EPHA5: variants seen among roughly 807,000 people sequenced by gnomAD.
EPHA5 encodes EPH receptor A5, also known as ephrin type-A receptor 5.
In EPHA5, 60 loss-of-function variants were observed where a neutral mutation model predicts 105.0. That is an observed-to-expected ratio of 0.57 (90% CI 0.46 to 0.71). The LOEUF (loss-of-function observed/expected upper bound fraction) is 0.71, where lower values mean the gene tolerates loss of function less well. EPHA5 is among the 30% of genes least tolerant of loss of function. The pLI, the probability that EPHA5 is intolerant of heterozygous loss-of-function variation, is 0.00. For missense variants in EPHA5, 1,218 were observed against 1,274.7 expected, an observed-to-expected ratio of 0.96 and a Z score of 0.68; for synonymous variants, 513 against 449.1, an observed-to-expected ratio of 1.14 and a Z score of -1.80.
intron 2 of EPHA5, among the ~76,000 whole-genome samples, chr4:65,609,992 C>T: frequency 6.6e-6 from 1 of 151,806 alleles, no homozygotes; most frequent in East Asian, 1.9e-4. Context: ...ATGTCATAAA[C>T]ACTTCAAATT....
At chr4:65,391,199 T>C (rs1267738522) in intron 8 of EPHA5, among the ~76,000 whole-genome samples, 1 of 152,044 alleles carries the variant, frequency 6.6e-6, no homozygotes, top group Non-Finnish European at 1.5e-5. Flanking sequence ...GAGGTGATTA[T>C]GGGGATTATA....
intron 3 of EPHA5, among the ~76,000 whole-genome samples, chr4:65,516,801 C>T (rs1357633634): frequency 6.6e-6 from 1 of 152,036 alleles, no homozygotes; most frequent in Non-Finnish European, 1.5e-5. Flanking sequence ...ACAATGTTGA[C>T]TAGAAGTGGT....
intron 8 of EPHA5, among the ~76,000 whole-genome samples, chr4:65,374,632 GAGTTAATGCATTTACAA>G (rs1380332585): frequency 6.6e-6 from 1 of 151,848 alleles, no homozygotes; most frequent in Non-Finnish European, 1.5e-5. Flanking sequence ...GTATTTCTAA[GAGTTAATGCATTTACAA>G]TGGCCAGTTT....
chr4:65,393,668 ACAC>A (rs1211030393), intron 8 of EPHA5, among the ~76,000 whole-genome samples: 1 of 152,210 alleles, frequency 6.6e-6, no homozygotes, highest in Non-Finnish European at 1.5e-5. Context: ...ATTATTTTAA[ACAC>A]CTGGATCTAT....
rs201142559 is a variant in EPHA5, at chr4:65,531,033, A to T, written c.911-35490T>A. Among the ~76,000 whole-genome samples the T allele has an allele frequency of 4.7e-3, 488 of 103,350 alleles. 7 individuals are homozygous for T. Among genetic ancestry groups the T allele is most frequent in the African/African-American group, 0.017 (464 of 27,558 alleles). The allele number at this position is 103,350 out of a possible 152,430, so 67.8% of individuals were successfully genotyped here. A position where few individuals can be genotyped will look rare whatever the true frequency, so the allele number is the denominator to read the frequency against. On this transcript the variant is annotated intron_variant, in intron 3 of 16. Coordinates refer to ENST00000613740, the MANE Select transcript of EPHA5 (RefSeq NM_001281766.3). ...TTTTTTTATTTTTTTTATTTTTTTT[A>T]TTTTTTTATTTTTTTGAGACGGAGT...
intron 4 of EPHA5, among the ~76,000 whole-genome samples, chr4:65,494,322 CT>C (rs1226395578): frequency 5.9e-5 from 9 of 152,124 alleles, no homozygotes; most frequent in African/African-American, 7.2e-5. Flanking sequence ...ATCTTCACTG[CT>C]TCTTTAAATT....
At chr4:65,475,523 C>A (rs1017069820) in intron 5 of EPHA5, among the ~76,000 whole-genome samples, 1 of 152,132 alleles carries the variant, frequency 6.6e-6, no homozygotes, top group East Asian at 1.9e-4. Flanking sequence ...TGATTTCAAC[C>A]ACTGGGAAGG....
In EPHA5 at chr4:65,606,184, T is replaced by C. The variant is rs1448560579; in HGVS notation, c.247-3880A>G. 2.0e-5 allele frequency among the ~76,000 whole-genome samples: 3 copies of C among 152,160 alleles called. No individual in the cohort carries two copies. The East Asian group carries it at 5.8e-4, about 29-fold the overall frequency. ...AATAAGTCTTTTTTTTCTTTTGCTA[T>C]ATATTTTAATACTCAACCCCAATAT... On this transcript the variant is annotated intron_variant, in intron 2 of 16. Coordinates refer to ENST00000613740, the MANE Select transcript of EPHA5 (RefSeq NM_001281766.3).
chr4:65,502,896 A>T (rs1006887838), intron 3 of EPHA5, among the ~76,000 whole-genome samples: 2 of 151,868 alleles, frequency 1.3e-5, no homozygotes, highest in African/African-American at 2.4e-5. Flanking sequence ...GATAAAGAAG[A>T]TGTGGTACAA....
In EPHA5 at chr4:65,422,758, T is replaced by C. The variant is rs189829871; in HGVS notation, c.1403-2193A>G. Among the ~76,000 whole-genome samples, 257 of 152,214 alleles carry C rather than the reference T, an allele frequency of 1.7e-3. 1 individual carries two copies. Among genetic ancestry groups the C allele is most frequent in the African/African-American group, 5.8e-3 (241 of 41,560 alleles). On this transcript the variant is annotated intron_variant, in intron 5 of 16. Coordinates refer to ENST00000613740, the MANE Select transcript of EPHA5 (RefSeq NM_001281766.3). ...CTTTAGGCTACTACAGTTCCCATTATGAACTGATTGCCTTGTCTGTTTCAA... is the reference window on the plus strand; with the variant it reads ...CTTTAGGCTACTACAGTTCCCATTACGAACTGATTGCCTTGTCTGTTTCAA...
intron 3 of EPHA5, among the ~76,000 whole-genome samples, chr4:65,502,415 A>ATAT (rs139265589): frequency 6.6e-6 from 1 of 151,590 alleles, no homozygotes; most frequent in Non-Finnish European, 1.5e-5. Context: ...GCAAAAAAAA[A>ATAT]ATATATAGCC....
intron 5 of EPHA5, among the ~76,000 whole-genome samples, chr4:65,422,273 GA>G (rs1473321136): frequency 6.6e-6 from 1 of 152,052 alleles, no homozygotes; most frequent in African/African-American, 2.4e-5. Flanking sequence ...TGAAAGTGGG[GA>G]TGCTGACAAC....
intron 3 of EPHA5, among the ~76,000 whole-genome samples, chr4:65,511,115 G>A (rs567487010): frequency 6.6e-6 from 1 of 152,168 alleles, no homozygotes; most frequent in East Asian, 1.9e-4. Flanking sequence ...CCTTGGTCTT[G>A]GACTTTCTAG....
chr4:65,432,862 T>G (rs745549461), intron 5 of EPHA5, among the ~76,000 whole-genome samples: 1 of 151,404 alleles, frequency 6.6e-6, no homozygotes, highest in African/African-American at 2.4e-5. Context: ...GTATATATTA[T>G]ATATAAAAAT....
chr4:65,454,175 A>T (rs2149113627), intron 5 of EPHA5, among the ~76,000 whole-genome samples: 1 of 152,136 alleles, frequency 6.6e-6, no homozygotes, highest in South Asian at 2.1e-4. Flanking sequence ...AGCTACTGTG[A>T]AGGCTGAGGC....
chr4:65,564,920 A>C (rs1398527257), intron 3 of EPHA5, among the ~76,000 whole-genome samples: 1 of 151,734 alleles, frequency 6.6e-6, no homozygotes, highest in African/African-American at 2.4e-5. Flanking sequence ...TTCACTGTTA[A>C]TTTATGACCT....
chr4:65,536,456 A>T (rs1477882788), intron 3 of EPHA5, among the ~76,000 whole-genome samples: 1 of 151,734 alleles, frequency 6.6e-6, no homozygotes, highest in African/African-American at 2.4e-5. Flanking sequence ...AACCATATAT[A>T]TTTTTTTATT....
At chr4:65,355,077 T>C (rs1218751842) in intron 11 of EPHA5, among the ~76,000 whole-genome samples, 1 of 151,776 alleles carries the variant, frequency 6.6e-6, no homozygotes, top group Non-Finnish European at 1.5e-5. Context: ...TGTAATTTAA[T>C]CTGCACCTTG....
intron 15 of EPHA5, among the ~76,000 whole-genome samples, chr4:65,333,480 ACT>A (rs1406934619): frequency 2.0e-5 from 3 of 146,480 alleles, no homozygotes; most frequent in African/African-American, 7.7e-5. Flanking sequence ...TTGAAATCTT[ACT>A]CTGTCTGAAC....
Sources: gnomAD v4.1 joint callset for allele counts (sites outside exome capture counted in the v4.1 genomes callset) on GRCh38, gnomAD v4.1.1 for gene constraint, MANE v1.5 for transcripts, NCBI Gene and HGNC (gene_info 2026-07-23, HGNC 2026-07-21) for gene names.